RBM27: variants seen among roughly 807,000 people sequenced by gnomAD.
The protein encoded by RBM27 is RNA binding motif protein 27.
In RBM27, 22 loss-of-function variants were observed where a neutral mutation model predicts 135.3. The ratio of observed to expected loss-of-function variants is 0.16; its 90% CI spans 0.12 to 0.23. The LOEUF (loss-of-function observed/expected upper bound fraction) is 0.23. RBM27 is among the 10% of genes least tolerant of loss of function. RBM27 has a pLI of 1.00. For missense variants in RBM27, 1,009 were observed against 1,281.0 expected (o/e 0.79, Z 3.24); for synonymous variants, 481 against 442.4 (o/e 1.09, Z -1.10).
chr5:146,225,284 A>G (rs912266399), intron 3 of RBM27, among the ~76,000 whole-genome samples: 65 of 152,074 alleles, frequency 4.3e-4, no homozygotes, highest in African/African-American at 7.2e-4. Flanking sequence ...TTTTTATAGC[A>G]TGTTCTTTTC....
At chr5:146,280,666 C>T (rs1759303177) in intron 19 of RBM27, among the ~76,000 whole-genome samples, 1 of 152,080 alleles carries the variant, frequency 6.6e-6, no homozygotes, top group South Asian at 2.1e-4. Context: ...TTCATCTACT[C>T]ACTAAAATTT....
intron 19 of RBM27, among the ~76,000 whole-genome samples, chr5:146,278,435 C>T (rs1229161687): frequency 3.9e-5 from 6 of 152,166 alleles, no homozygotes; most frequent in African/African-American, 1.2e-4. Context: ...CCTCCAGTCA[C>T]TCAATTTCAC....
At chr5:146,269,316 T>G in intron 16 of RBM27, 35 bp downstream of exon 16, 1 of 1,531,706 alleles carries the variant, frequency 6.5e-7, no homozygotes, top group Non-Finnish European at 8.9e-7. Context: ...ATGCTAGAAT[T>G]GATGTATAGA....
At position 146,271,530 on chromosome 5, in the gene RBM27, C is replaced by T. The variant is rs751864266; in HGVS notation, c.2844C>T (p.Ser948=). ...CTGTGGGTCGAGGAAAGACCATGTCCTCTCAAGGTCGAGGAAGAGGCCGAG... is the reference window on the plus strand; with the variant it reads ...CTGTGGGTCGAGGAAAGACCATGTCTTCTCAAGGTCGAGGAAGAGGCCGAG... The part of the protein sequence containing the change: ...ILPVGRGKTM[S]SQGRGRGRGR... Residue 948 remains serine, a synonymous_variant, in exon 19 of 21, where the codon TCC becomes TCT. Transcript: ENST00000265271. 6.2e-7 allele frequency: 1 copy of T among 1,613,688 alleles called. No homozygotes were observed. The highest frequency in any genetic ancestry group is 1.1e-5 in the South Asian group (1 of 91,052).
intron 6 of RBM27, among the ~76,000 whole-genome samples, chr5:146,233,218 C>CAGG (rs1757012074): frequency 1.3e-5 from 2 of 152,070 alleles, no homozygotes; most frequent in African/African-American, 4.8e-5. Flanking sequence ...GTTCTTGACT[C>CAGG]TTTTATTTGC....
At chr5:146,212,718 T>A (rs1756019774) in intron 1 of RBM27, among the ~76,000 whole-genome samples, 1 of 151,526 alleles carries the variant, frequency 6.6e-6, no homozygotes, top group Non-Finnish European at 1.5e-5. Flanking sequence ...ATATTACATA[T>A]ATATTTTTTG....
chr5:146,276,285 T>G (rs1374414482), intron 19 of RBM27, among the ~76,000 whole-genome samples: 1 of 152,194 alleles, frequency 6.6e-6, no homozygotes, highest in East Asian at 1.9e-4. Context: ...GGGAAGGGTA[T>G]GAAATTGCAT....
intron 11 of RBM27, 133 bp downstream of exon 11, chr5:146,258,726 C>A (rs1758228517): frequency 1.4e-6 from 1 of 708,848 alleles, no homozygotes; most frequent in East Asian, 3.4e-5. Context: ...CAGGAGACAT[C>A]TTTAGAATGT....
rs367918153 is a variant in RBM27 at position 146,284,655 on chromosome 5, C to T, written c.3022C>T (p.Arg1008Trp). Residue 1008 changes from arginine to tryptophan, a missense_variant, in exon 20 of 21, where the codon CGG (arginine) becomes TGG (tryptophan). Physicochemically the swap from Arg to Trp is moderately radical, Grantham distance 101 (BLOSUM62 -3). Transcript: ENST00000265271. Reference protein sequence around the residue: ...ANQGPKFKDRRLQISWHKPKV... With the variant: ...ANQGPKFKDRWLQISWHKPKV... ...CCAAGGGCCAAAATTTAAAGACCGT[C>T]GGCTACAGATATCATGGCACAAGCC... The T allele has an allele frequency of 6.2e-6, 10 of 1,613,164 alleles. No homozygotes were observed. Among genetic ancestry groups the T allele is most frequent in the East Asian group, 2.2e-5 (1 of 44,834 alleles).
chr5:146,207,998 C>T (rs1293208010), intron 1 of RBM27, among the ~76,000 whole-genome samples: 1 of 141,386 alleles, frequency 7.1e-6, no homozygotes, highest in African/African-American at 2.7e-5. Context: ...GCTCTGTTGC[C>T]CAGGCTGGAG....
chr5:146,216,434 G>A (rs1458739578), intron 1 of RBM27, among the ~76,000 whole-genome samples: 1 of 151,960 alleles, frequency 6.6e-6, no homozygotes, highest in Non-Finnish European at 1.5e-5. Flanking sequence ...TGATATATAT[G>A]CACATGCTGA....
At position 146,284,679 on chromosome 5, in the gene RBM27, C is replaced by G. The variant is rs777158999; in HGVS notation, c.3046C>G (p.Pro1016Ala). The G allele has an allele frequency of 3.1e-6, 5 of 1,613,020 alleles. No individual in the cohort carries two copies. Among genetic ancestry groups the G allele is most frequent in the Non-Finnish European group, 4.2e-6 (5 of 1,179,484 alleles). The stretch of plus-strand genomic sequence containing the variant: ...TCGGCTACAGATATCATGGCACAAG[C>G]CCAAGGTACCATCTATATCCACTGA... ...DRRLQISWHK[P>A]KVPSISTETE... Residue 1016 changes from proline to alanine, a missense_variant, in exon 20 of 21, where the codon CCC becomes GCC. By Grantham distance (27) the Pro-to-Ala change is conservative. Around this residue, in one of 6 missense-constraint regions of RBM27, gnomAD observed 355 missense variants for 427.3 expected, o/e 0.83. Coordinates refer to ENST00000265271, the MANE Select transcript of RBM27 (RefSeq NM_018989.2).
chr5:146,227,630 GTT>G (rs1283601828), intron 3 of RBM27, among the ~76,000 whole-genome samples: 5 of 152,082 alleles, frequency 3.3e-5, no homozygotes, highest in African/African-American at 1.2e-4. Flanking sequence ...AGATAAACTT[GTT>G]CAAAGACAAT....
chr5:146,203,853 GC>G, intron 1 of RBM27, 29 bp downstream of exon 1: 1 of 1,521,754 alleles, frequency 6.6e-7, no homozygotes, highest in Non-Finnish European at 8.8e-7. Flanking sequence ...GCCGGGGCCG[GC>G]GAACGTGGGC....
chr5:146,254,750 G>A (rs1327917953), intron 9 of RBM27, among the ~76,000 whole-genome samples, 193 bp from the exon 10 acceptor site: 2 of 152,070 alleles, frequency 1.3e-5, no homozygotes, highest in Admixed American at 6.6e-5. Context: ...TCAAAGTCTT[G>A]AACATTTGTG....
chr5:146,220,932 G>T (rs1398161586), intron 2 of RBM27, among the ~76,000 whole-genome samples: 1 of 151,850 alleles, frequency 6.6e-6, no homozygotes, highest in Admixed American at 6.6e-5. Flanking sequence ...AGTTAGAAAG[G>T]ATTGGCCAGG....
chr5:146,263,176 G>C (rs1758468891), intron 13 of RBM27, among the ~76,000 whole-genome samples: 1 of 152,110 alleles, frequency 6.6e-6, no homozygotes, highest in African/African-American at 2.4e-5. Context: ...GAGCCACTGT[G>C]CCCAGCCAAG....
intron 5 of RBM27, among the ~76,000 whole-genome samples, 171 bp from the exon 6 acceptor site, chr5:146,230,486 T>C (rs1396050000): frequency 1.3e-5 from 2 of 152,206 alleles, no homozygotes; most frequent in Non-Finnish European, 2.9e-5. Flanking sequence ...TGTCACTTGT[T>C]GATGTCCCTG....
At position 146,287,116 on chromosome 5, in the gene RBM27, G is replaced by A. The variant is rs537326955; in HGVS notation, c.*1086G>A. ...CCTAAATTTAAACCATGATGGTGAG[G>A]TGACTGGGGGGTGGGGGGTGGAGGT... On this transcript the variant is annotated 3_prime_UTR_variant, in exon 21 of 21. Coordinates refer to ENST00000265271, the MANE Select transcript of RBM27 (RefSeq NM_018989.2). The A allele has an allele frequency of 6.9e-6, 1 of 145,310 alleles. No individual in the cohort carries two copies. The highest frequency in any genetic ancestry group is 2.2e-4 in the South Asian group (1 of 4,498). 9.0% of individuals were successfully genotyped at this position (145,310 alleles called of 1,614,324 possible). A position where few individuals can be genotyped will look rare whatever the true frequency, so the allele number is the denominator to read the frequency against.
Sources: allele counts gnomAD v4.1 joint callset (sites outside exome capture counted in the v4.1 genomes callset), GRCh38; gene constraint gnomAD v4.1.1; regional missense constraint gnomAD v4.1.1; transcripts MANE v1.5; gene names NCBI Gene and HGNC (gene_info 2026-07-23, HGNC 2026-07-21).